EHBP1: variants seen among roughly 807,000 people sequenced by gnomAD.
EHBP1 encodes the protein EH domain-binding protein 1.
A neutral mutation model predicts 144.0 loss-of-function variants in EHBP1; 55 were observed. The ratio of observed to expected loss-of-function variants is 0.38; its 90% CI spans 0.31 to 0.48. The LOEUF is 0.48. EHBP1 is among the 20% of genes least tolerant of loss of function. The pLI, the probability that EHBP1 is intolerant of heterozygous loss-of-function variation, is 0.98. For missense variants in EHBP1, 1,200 were observed against 1,364.2 expected (o/e 0.88, Z 1.90); for synonymous variants, 469 against 472.7 (o/e 0.99, Z 0.10).
At chr2:62,724,063 C>T (rs1205596237) in intron 2 of EHBP1, among the ~76,000 whole-genome samples, 1 of 152,128 alleles carries the variant, frequency 6.6e-6, no homozygotes, top group Non-Finnish European at 1.5e-5. Context: ...TCCTGAAATA[C>T]GTTTTCCGAG....
At chr2:62,883,688 G>C (rs541190241) in intron 10 of EHBP1, among the ~76,000 whole-genome samples, 1 of 152,312 alleles carries the variant, frequency 6.6e-6, no homozygotes, top group African/African-American at 2.4e-5. Flanking sequence ...TGCTAGCCAG[G>C]CACAGTGGCT....
At chr2:62,873,581 G>A (rs1339832703) in intron 9 of EHBP1, among the ~76,000 whole-genome samples, 1 of 152,076 alleles carries the variant, frequency 6.6e-6, no homozygotes, top group Non-Finnish European at 1.5e-5. Flanking sequence ...TAATTTTTCA[G>A]AACCGATAAA....
At chr2:62,987,391 G>A (rs766222976) in intron 15 of EHBP1, among the ~76,000 whole-genome samples, 1 of 151,956 alleles carries the variant, frequency 6.6e-6, no homozygotes, top group Non-Finnish European at 1.5e-5. Flanking sequence ...TTGTATAAAG[G>A]CATTGTATAT....
intron 10 of EHBP1, among the ~76,000 whole-genome samples, chr2:62,938,400 A>G (rs1322044244): frequency 1.3e-5 from 2 of 152,224 alleles, no homozygotes; most frequent in Admixed American, 1.3e-4. Context: ...GCAAAAGAGA[A>G]GGAAACTATA....
At chr2:62,909,540 A>C (rs1324725288) in intron 10 of EHBP1, among the ~76,000 whole-genome samples, 2 of 152,168 alleles carry the variant, frequency 1.3e-5, no homozygotes, top group African/African-American at 2.4e-5. Context: ...AAGACCAGAA[A>C]GTGAGCAGAA....
intron 2 of EHBP1, among the ~76,000 whole-genome samples, chr2:62,720,761 G>GTGAC (rs568137609): frequency 2.9e-4 from 44 of 152,146 alleles, no homozygotes; most frequent in Non-Finnish European, 6.0e-4. Context: ...GTTTCCCTGG[G>GTGAC]TCACACTGGA....
intron 11 of EHBP1, 32 bp from the exon 12 acceptor site, chr2:62,943,769 TA>T: frequency 6.6e-7 from 1 of 1,504,630 alleles, no homozygotes; most frequent in Non-Finnish European, 9.1e-7. Flanking sequence ...TATCAAATAC[TA>T]TATGTACCCA....
chr2:62,816,837 C>T (rs531338334), intron 5 of EHBP1, among the ~76,000 whole-genome samples: 8 of 152,130 alleles, frequency 5.3e-5, no homozygotes, highest in African/African-American at 9.7e-5. Flanking sequence ...CTTTTCCCCC[C>T]ACATAAACCA....
chr2:62,785,996 A>T (rs529174904), intron 5 of EHBP1, among the ~76,000 whole-genome samples: 4 of 152,062 alleles, frequency 2.6e-5, no homozygotes, highest in African/African-American at 9.6e-5. Context: ...TGTGGGCATT[A>T]GTTGTCTACT....
chr2:63,011,239 C>T (rs2060254670), intron 19 of EHBP1, among the ~76,000 whole-genome samples: 1 of 149,612 alleles, frequency 6.7e-6, no homozygotes, highest in Non-Finnish European at 1.5e-5. Flanking sequence ...TTAAAAAAAT[C>T]AATCATTAAT....
rs2057206206 is a variant in EHBP1 at position 62,948,658 on chromosome 2, A to G, written c.1812A>G (p.Thr604=). The change falls in exon 13 of 23, where the codon ACA becomes ACG. Residue 604 remains threonine (T), a synonymous_variant. Transcript: ENST00000431489. Reference sequence around the variant, plus strand: ...CTGATGATCACCTTAGTCCAAGCACAGCCTCCCCTTACTGTCGCAGGACTA... The same window carrying G: ...CTGATGATCACCTTAGTCCAAGCACGGCCTCCCCTTACTGTCGCAGGACTA... ...QTPDDHLSPS[T]ASPYCRRTKS... 1.2e-6 allele frequency: 2 copies of G among 1,613,904 alleles called. No homozygotes were observed. The highest frequency in any genetic ancestry group is 3.3e-5 in the Admixed American group (2 of 60,002).
intron 5 of EHBP1, among the ~76,000 whole-genome samples, chr2:62,813,804 C>T (rs2045240287): frequency 6.6e-6 from 1 of 152,182 alleles, no homozygotes; most frequent in Non-Finnish European, 1.5e-5. Flanking sequence ...TTCTTGTTGC[C>T]TATTTCTCTC....
intron 3 of EHBP1, among the ~76,000 whole-genome samples, chr2:62,761,116 T>C (rs2040734373): frequency 6.6e-6 from 1 of 152,114 alleles, no homozygotes; most frequent in Non-Finnish European, 1.5e-5. Context: ...GGAGTTTTAA[T>C]TGAGTATTAA....
chr2:62,955,712 G>A, intron 14 of EHBP1, 52 bp downstream of exon 14: 4 of 1,557,650 alleles, frequency 2.6e-6, no homozygotes, highest in Non-Finnish European at 3.5e-6. Flanking sequence ...TAATCATGGG[G>A]AGGAGGGAAG....
At chr2:62,773,850 CAAAAAAAAAAAAAAAAAAAAAAAAA>C in intron 5 of EHBP1, among the ~76,000 whole-genome samples, 1 of 41,540 alleles carries the variant, frequency 2.4e-5, no homozygotes, top group African/African-American at 9.5e-5. Context: ...GACTCCATCT[CAAAAAAAAAAAAAAAAAAAAAAAAA>C]AAAAAAAAAA....
intron 10 of EHBP1, among the ~76,000 whole-genome samples, chr2:62,912,138 T>G (rs1287856481): frequency 2.0e-5 from 3 of 152,056 alleles, no homozygotes; most frequent in African/African-American, 7.2e-5. Flanking sequence ...TCTCTATGAG[T>G]GATATGATAT....
In EHBP1 at chr2:62,738,238, C is replaced by T. The variant is rs141402365; in HGVS notation, c.105-9157C>T. Among the ~76,000 whole-genome samples, 131 of 152,206 alleles carry T rather than the reference C, an allele frequency of 8.6e-4. 2 individuals are homozygous for T. Among genetic ancestry groups the T allele is most frequent in the African/African-American group, 2.9e-3 (120 of 41,518 alleles). On this transcript the variant is annotated intron_variant, in intron 2 of 22. Coordinates refer to ENST00000431489, the MANE Select transcript of EHBP1 (RefSeq NM_001142616.3). ...CATATCCTCCCTGAAGCATACTTAC[C>T]CTTCTCTTTTCCTATTCCCTCACTT...
At position 62,957,715 on chromosome 2, in the gene EHBP1, G is replaced by A. The variant is rs376523437; in HGVS notation, c.2460+2055G>A. On this transcript the variant is annotated intron_variant, in intron 14 of 22. Coordinates refer to ENST00000431489, the MANE Select transcript of EHBP1 (RefSeq NM_001142616.3). ...GGCTGGAGCGCAGTGGTGCGATCTC[G>A]GCTCACTGCAAGCTTCGCCTCCCGG... Among the ~76,000 whole-genome samples, 369 of 139,504 alleles carry A rather than the reference G, an allele frequency of 2.6e-3. 3 individuals carry two copies. Among genetic ancestry groups the A allele is most frequent in the African/African-American group, 9.6e-3 (347 of 35,986 alleles). 91.5% of individuals were successfully genotyped at this position (139,504 alleles called of 152,430 possible).
At chr2:62,913,698 T>G (rs926974129) in intron 10 of EHBP1, among the ~76,000 whole-genome samples, 9 of 152,246 alleles carry the variant, frequency 5.9e-5, no homozygotes, top group Non-Finnish European at 8.8e-5. Context: ...GAGCTACTTT[T>G]ACATTTTATC....
Sources: allele counts gnomAD v4.1 joint callset (sites outside exome capture counted in the v4.1 genomes callset), GRCh38; gene constraint gnomAD v4.1.1; transcripts MANE v1.5; gene names NCBI Gene and HGNC (gene_info 2026-07-23, HGNC 2026-07-21).